Variants in NIT2 observed in about 807,000 individuals in gnomAD.
NIT2 encodes omega-amidase NIT2.
Under a neutral mutation model 42.7 loss-of-function variants are expected in NIT2, and 46 were observed. The ratio of observed to expected loss-of-function variants is 1.08; its 90% CI spans 0.85 to 1.38. The LOEUF is 1.38. Ranked by LOEUF, NIT2 falls within the 40% of genes most tolerant of loss-of-function variation. NIT2 has a pLI of 0.00. For missense variants in NIT2, 309 were observed against 342.5 expected (o/e 0.90, Z 0.77); for synonymous variants, 123 against 121.9 (o/e 1.01, Z -0.06).
At chr3:100,354,490 T>C (rs2148885238) in intron 8 of NIT2, among the ~76,000 whole-genome samples, 1 of 152,342 alleles carries the variant, frequency 6.6e-6, no homozygotes. Context: ...AACCACCGTC[T>C]CCTAGTGATT....
At chr3:100,353,949 C>T (rs570712484) in intron 8 of NIT2, among the ~76,000 whole-genome samples, 1 of 151,960 alleles carries the variant, frequency 6.6e-6, no homozygotes, top group Non-Finnish European at 1.5e-5. Context: ...ATAATTTTTG[C>T]ATTTTTAGTA....
chr3:100,339,361 G>A (rs392066), intron 2 of NIT2, among the ~76,000 whole-genome samples, 156 bp downstream of exon 2: 19,264 of 152,068 alleles, frequency 0.13, 2,143 homozygotes, highest in African/African-American at 0.28. Flanking sequence ...CCTTAGCAAG[G>A]TTCTTTGTGA....
Position 100,339,840 on chromosome 3 carries a change from C to G in NIT2, c.152C>G (p.Ala51Gly). Residue 51 changes from alanine to glycine, a missense_variant, in exon 3 of 10, where the codon GCG becomes GGG. Transcript: ENST00000394140. Reference sequence around the variant, plus strand: ...GAATGCTTTAATTCTCCATATGGAGCGAAATATTTTCCTGAATATGCAGAG... The same window carrying G: ...GAATGCTTTAATTCTCCATATGGAGGGAAATATTTTCCTGAATATGCAGAG... ...LPECFNSPYG[A>G]KYFPEYAEKI... 1.9e-6 allele frequency: 3 copies of G among 1,609,720 alleles called. No individual in the cohort carries two copies. Among genetic ancestry groups the G allele is most frequent in the Non-Finnish European group, 1.7e-6 (2 of 1,178,458 alleles).
chr3:100,335,630 G>A (rs1559821892), intron 1 of NIT2, among the ~76,000 whole-genome samples: 1 of 152,214 alleles, frequency 6.6e-6, no homozygotes, highest in East Asian at 1.9e-4. Context: ...CTTAGTTGAG[G>A]ACCCCGCCCT....
chr3:100,354,979 C>G (rs1471028106), intron 9 of NIT2, 152 bp downstream of exon 9: 1 of 802,524 alleles, frequency 1.2e-6, no homozygotes, highest in East Asian at 2.5e-5. Context: ...GTTCTCTGGC[C>G]AATCCCTGGG....
Position 100,358,423 on chromosome 3 carries a change from T to C in NIT2, c.*3155T>C, listed in dbSNP as rs981081483. 1 of 152,228 alleles carries C rather than the reference T, an allele frequency of 6.6e-6. No homozygotes were observed. Among genetic ancestry groups the C allele is most frequent in the African/African-American group, 2.4e-5 (1 of 41,462 alleles). The allele number at this position is 152,228 out of a possible 1,614,324, so 9.4% of individuals were successfully genotyped here. On this transcript the variant is annotated 3_prime_UTR_variant, in exon 10 of 10. Transcript: ENST00000394140. ...AATGATGTTTTATTTTTGTTTTTTG[T>C]TTTTGCATAATACTTTGAAGTCTGC...
chr3:100,354,686 C>T, intron 8 of NIT2, 86 bp from the exon 9 acceptor site: 1 of 962,186 alleles, frequency 1.0e-6, no homozygotes, highest in Non-Finnish European at 1.6e-6. Context: ...TCCCCTTTGG[C>T]CTGTGAGCTT....
intron 1 of NIT2, among the ~76,000 whole-genome samples, chr3:100,336,035 T>A (rs1465523716): frequency 1.3e-5 from 2 of 152,222 alleles, no homozygotes; most frequent in East Asian, 3.8e-4. Context: ...TTATTTCCTG[T>A]TTTAGTTTCC....
Position 100,354,706 on chromosome 3 carries a change from A to T in NIT2, c.684-66A>T, listed in dbSNP as rs1706307451. The T allele has an allele frequency of 3.7e-6, 5 of 1,341,748 alleles. No individual in the cohort carries two copies. The South Asian group carries it at 7.1e-5, about 19-fold the overall frequency. 83.1% of individuals were successfully genotyped at this position (1,341,748 alleles called of 1,614,324 possible). On this transcript the variant is annotated intron_variant, in intron 8 of 9. Transcript: ENST00000394140. The stretch of plus-strand genomic sequence containing the variant: ...TTTGGCCTGTGAGCTTGGGAGGAAA[A>T]AACAGAGACCTTGAATATCACCAAA...
At chr3:100,338,007 G>A (rs1232951966) in intron 1 of NIT2, among the ~76,000 whole-genome samples, 1 of 152,150 alleles carries the variant, frequency 6.6e-6, no homozygotes, top group Non-Finnish European at 1.5e-5. Context: ...GTAGGTCAAG[G>A]CTGCAGTGGA....
intron 7 of NIT2, among the ~76,000 whole-genome samples, chr3:100,351,648 A>G (rs1222446993): frequency 6.6e-6 from 1 of 152,264 alleles, no homozygotes; most frequent in Non-Finnish European, 1.5e-5. Flanking sequence ...TAAAACCATA[A>G]AAACCCTAGA....
Position 100,355,506 on chromosome 3 carries a change from A to G in NIT2, c.*238A>G, listed in dbSNP as rs1054869330. On this transcript the variant is annotated 3_prime_UTR_variant, in exon 10 of 10. Coordinates refer to ENST00000394140, the MANE Select transcript of NIT2 (RefSeq NM_020202.5). ...CTGGGCTGGTTCTGAAGCTTCTTCC[A>G]TACTTAAGTTGCCTCCAAGCAGTTT... is the stretch of plus-strand genomic sequence containing the variant. 5.7e-5 allele frequency: 24 copies of G among 420,968 alleles called. No individual in the cohort carries two copies. Among genetic ancestry groups the G allele is most frequent in the Middle Eastern group, 6.2e-4 (1 of 1,608 alleles). 26.1% of individuals were successfully genotyped at this position (420,968 alleles called of 1,614,324 possible). A position where few individuals can be genotyped will look rare whatever the true frequency, so the allele number is the denominator to read the frequency against.
intron 9 of NIT2, 125 bp from the exon 10 acceptor site, chr3:100,355,052 A>G (rs1036989088): frequency 5.3e-6 from 4 of 749,818 alleles, no homozygotes; most frequent in African/African-American, 3.7e-5. Flanking sequence ...CTGTGCACCT[A>G]GATAAGACCT....
chr3:100,358,971 T>G lies in NIT2; in HGVS notation c.*3703T>G, dbSNP rs992901486. 1.3e-5 allele frequency: 2 copies of G among 152,258 alleles called. No individual in the cohort carries two copies. Among genetic ancestry groups the G allele is most frequent in the African/African-American group, 4.8e-5 (2 of 41,464 alleles). 9.4% of individuals were successfully genotyped at this position (152,258 alleles called of 1,614,324 possible). On this transcript the variant is annotated 3_prime_UTR_variant, in exon 10 of 10. Coordinates refer to ENST00000394140, the MANE Select transcript of NIT2 (RefSeq NM_020202.5). The stretch of plus-strand genomic sequence containing the variant: ...CAGGCTAAACAGGGGCTCTTCCTTA[T>G]GCCTCATAACCACCTGTGTGTGACA...
intron 1 of NIT2, among the ~76,000 whole-genome samples, chr3:100,338,202 A>G (rs1006417286): frequency 6.6e-5 from 10 of 152,134 alleles, no homozygotes; most frequent in Non-Finnish European, 1.2e-4. Flanking sequence ...AGAGCCCCCA[A>G]CCTCCTTGCT....
chr3:100,339,974 A>C, intron 3 of NIT2, 39 bp downstream of exon 3: 5 of 1,579,650 alleles, frequency 3.2e-6, no homozygotes, highest in Non-Finnish European at 4.3e-6. Context: ...CCTAAACATT[A>C]GAAACATCTG....
chr3:100,340,005 G>A (rs1009540416), intron 3 of NIT2, 70 bp downstream of exon 3: 81 of 1,361,422 alleles, frequency 5.9e-5, no homozygotes, highest in Non-Finnish European at 7.1e-5. Flanking sequence ...GTGTGGTGGC[G>A]TGCGCCTGTA....
chr3:100,334,781 T>C lies in NIT2; in HGVS notation c.-11T>C. On this transcript the variant is annotated 5_prime_UTR_variant, in exon 1 of 10. Coordinates refer to ENST00000394140, the MANE Select transcript of NIT2 (RefSeq NM_020202.5). ...CAGTCCGCGCCGCAGGTGGTGCTTG[T>C]CTGCAGAGTCATGACCTGTAAGTGG... is the stretch of plus-strand genomic sequence containing the variant. 1.5e-6 allele frequency: 2 copies of C among 1,302,060 alleles called. No individual in the cohort carries two copies. Among genetic ancestry groups the C allele is most frequent in the Non-Finnish European group, 9.8e-7 (1 of 1,019,236 alleles). The allele number at this position is 1,302,060 out of a possible 1,614,324, so 80.7% of individuals were successfully genotyped here.
At chr3:100,350,213 G>A (rs1199602046) in intron 7 of NIT2, among the ~76,000 whole-genome samples, 1 of 152,058 alleles carries the variant, frequency 6.6e-6, no homozygotes, top group Non-Finnish European at 1.5e-5. Flanking sequence ...GGAAGATGGG[G>A]GTAGGGGTAT....
Sources: gnomAD v4.1 joint callset for allele counts (sites outside exome capture counted in the v4.1 genomes callset) on GRCh38, gnomAD v4.1.1 for gene constraint, MANE v1.5 for transcripts, NCBI Gene and HGNC (gene_info 2026-07-23, HGNC 2026-07-21) for gene names.